Variants in GPHN observed in about 807,000 individuals in gnomAD.
The protein encoded by GPHN is gephyrin.
Under a neutral mutation model 95.5 loss-of-function variants are expected in GPHN, and 17 were observed. The ratio of observed to expected loss-of-function variants is 0.18; its 90% CI spans 0.12 to 0.27. GPHN has a LOEUF of 0.27. Among genes scored for constraint, GPHN ranks in the 10% least tolerant of loss-of-function variants. The pLI, the probability that GPHN is intolerant of heterozygous loss-of-function variation, is 1.00. For synonymous variants in GPHN, 320 were observed against 322.5 expected, an observed-to-expected ratio of 0.99 and a Z score of 0.08; for missense variants, 660 against 978.1, an observed-to-expected ratio of 0.67 and a Z score of 4.34.
the GPHN span, chr14:67,574,395 C>A: frequency 6.4e-7 from 1 of 1,571,628 alleles, no homozygotes; most frequent in East Asian, 2.3e-5. The surrounding 1 kb of genome is among the most constrained non-coding windows in gnomAD (Gnocchi z 4.2). Flanking sequence ...GAAGGGCTGG[C>A]TGACCAAGGT....
the GPHN span, among the ~76,000 whole-genome samples, chr14:67,675,044 C>T: frequency 1.3e-5 from 2 of 152,344 alleles, no homozygotes; most frequent in East Asian, 1.9e-4. Flanking sequence ...TGCGTCTAGA[C>T]GTCGTCCTCA....
chr14:67,572,981 C>T, the GPHN span, among the ~76,000 whole-genome samples: 6 of 152,288 alleles, frequency 3.9e-5, no homozygotes, highest in South Asian at 4.1e-4. Flanking sequence ...TCTCTCCTGA[C>T]GCTCTCCCTG....
intron 1 of GPHN, among the ~76,000 whole-genome samples, chr14:66,545,935 G>A (rs1297040342): frequency 6.6e-6 from 1 of 151,804 alleles, no homozygotes; most frequent in Non-Finnish European, 1.5e-5. Context: ...CTTCCTGGAC[G>A]GGGTGGCTGC....
intron 8 of GPHN, among the ~76,000 whole-genome samples, chr14:66,953,905 G>T (rs893322384): frequency 6.6e-6 from 1 of 152,050 alleles, no homozygotes; most frequent in African/African-American, 2.4e-5. Flanking sequence ...CATAGTGGTG[G>T]GTGCCTGTAA....
At chr14:67,208,564 T>C in the GPHN span, 4 of 1,114,588 alleles carry the variant, frequency 3.6e-6, no homozygotes, top group African/African-American at 4.7e-5. Context: ...CAGAGACAGA[T>C]GTAGTGTAAC....
At chr14:66,895,252 G>C (rs571937777) in intron 5 of GPHN, among the ~76,000 whole-genome samples, 1 of 152,076 alleles carries the variant, frequency 6.6e-6, no homozygotes, top group Non-Finnish European at 1.5e-5. Flanking sequence ...TCAGACTATC[G>C]CAAAAACAAA....
intron 8 of GPHN, among the ~76,000 whole-genome samples, chr14:66,927,765 C>T (rs2066559836): frequency 6.6e-6 from 1 of 151,982 alleles, no homozygotes; most frequent in South Asian, 2.1e-4. Context: ...TGAATTTCGT[C>T]AAATGCTTTT....
the GPHN span, among the ~76,000 whole-genome samples, chr14:67,464,654 C>T: frequency 6.6e-6 from 1 of 152,234 alleles, no homozygotes; most frequent in South Asian, 2.1e-4. Context: ...ACTGTCATCA[C>T]GATCCAGGCT....
At chr14:67,012,316 T>C (rs2073057888) in intron 9 of GPHN, among the ~76,000 whole-genome samples, 1 of 152,118 alleles carries the variant, frequency 6.6e-6, no homozygotes, top group African/African-American at 2.4e-5. Context: ...AATTTATTTA[T>C]GGTAAAACTT....
chr14:67,328,446 G>A, the GPHN span, among the ~76,000 whole-genome samples: 2 of 152,212 alleles, frequency 1.3e-5, no homozygotes, highest in African/African-American at 4.8e-5. Flanking sequence ...TATTCACTCT[G>A]ATGGTAGTTT....
the GPHN span, chr14:67,649,571 G>A: frequency 6.6e-6 from 1 of 152,144 alleles, no homozygotes; most frequent in Non-Finnish European, 1.5e-5. Context: ...TAAAGGTGCA[G>A]GTTTAGTCAG....
At chr14:67,096,768 A>G (rs1238493110) in intron 12 of GPHN, among the ~76,000 whole-genome samples, 3 of 132,166 alleles carry the variant, frequency 2.3e-5, no homozygotes, top group African/African-American at 8.7e-5. Context: ...GCTAGACTAC[A>G]GGCACACACC....
intron 2 of GPHN, among the ~76,000 whole-genome samples, chr14:66,757,470 G>C (rs2058604233): frequency 6.6e-6 from 1 of 152,078 alleles, no homozygotes; most frequent in Non-Finnish European, 1.5e-5. Flanking sequence ...GCTCAGTGCA[G>C]CCTCCACCTC....
intron 2 of GPHN, among the ~76,000 whole-genome samples, chr14:66,772,380 A>G (rs2059213487): frequency 6.6e-6 from 1 of 152,212 alleles, no homozygotes. Flanking sequence ...TTTTGGACTC[A>G]TGACTTTCAC....
chr14:67,261,641 A>AT, the GPHN span, among the ~76,000 whole-genome samples: 1 of 152,142 alleles, frequency 6.6e-6, no homozygotes, highest in South Asian at 2.1e-4. Context: ...AGAGAATAAA[A>AT]TTTTTTATAT....
At chr14:67,693,502 G>A in the GPHN span, among the ~76,000 whole-genome samples, 2 of 147,802 alleles carry the variant, frequency 1.4e-5, no homozygotes, top group Non-Finnish European at 3.0e-5. Context: ...TGTGACTCTG[G>A]GACAAAATAA....
the GPHN span, among the ~76,000 whole-genome samples, chr14:67,415,777 C>T: frequency 3.5e-4 from 54 of 152,276 alleles, no homozygotes; most frequent in Non-Finnish European, 6.3e-4. Flanking sequence ...TACGTATACA[C>T]CATGGAATAC....
intron 2 of GPHN, among the ~76,000 whole-genome samples, chr14:66,726,667 A>G (rs1197206834): frequency 6.6e-6 from 1 of 152,240 alleles, no homozygotes; most frequent in Admixed American, 6.5e-5. Flanking sequence ...AGTTATCAGA[A>G]TAACAAAGTC....
the GPHN span, among the ~76,000 whole-genome samples, chr14:67,596,209 A>G: frequency 6.8e-6 from 1 of 146,500 alleles, no homozygotes; most frequent in Admixed American, 6.9e-5. Flanking sequence ...GTTCACTGCA[A>G]CCTCCACCTC....
Sources: gnomAD v4.1 joint callset for allele counts (sites outside exome capture counted in the v4.1 genomes callset) on GRCh38, gnomAD v4.1.1 for gene constraint, Gnocchi (gnomAD v3.1) non-coding constraint, MANE v1.5 for transcripts, NCBI Gene and HGNC (gene_info 2026-07-23, HGNC 2026-07-21) for gene names.